PEX5L: variants seen among roughly 807,000 people sequenced by gnomAD.
PEX5L encodes PEX5-related protein.
A neutral mutation model predicts 84.0 loss-of-function variants in PEX5L; 30 were observed. That is an observed-to-expected ratio of 0.36 (90% CI 0.27 to 0.48). The LOEUF is 0.48. Ranked by LOEUF, PEX5L falls within the 20% of genes least tolerant of loss-of-function variation. The pLI is 0.99. For missense variants in PEX5L, 533 were observed against 754.6 expected, an observed-to-expected ratio of 0.71 and a Z score of 3.44; for synonymous variants, 270 against 283.1, an observed-to-expected ratio of 0.95 and a Z score of 0.46.
chr3:179,800,503 A>C lies in PEX5L; in HGVS notation c.*1325T>G, dbSNP rs1718551012. On this transcript the variant is annotated 3_prime_UTR_variant, in exon 15 of 15. Transcript: ENST00000467460. ...CTTTAAAAAATGTATCTTTCAAAATAATCACCAAGCCCCAAACACATACAA... is the reference window on the plus strand; with the variant it reads ...CTTTAAAAAATGTATCTTTCAAAATCATCACCAAGCCCCAAACACATACAA... 1 of 152,242 alleles carries C rather than the reference A, an allele frequency of 6.6e-6. No homozygotes were observed. The highest frequency in any genetic ancestry group is 1.5e-5 in the Non-Finnish European group (1 of 68,042). The allele number at this position is 152,242 out of a possible 1,614,324, so 9.4% of individuals were successfully genotyped here.
chr3:179,880,925 A>C (rs1364512786), intron 4 of PEX5L: 1 of 152,232 alleles, frequency 6.6e-6, no homozygotes, highest in Non-Finnish European at 1.5e-5. Flanking sequence ...ATTGTGAGAG[A>C]TAGAAAATTC....
At chr3:179,957,275 T>C (rs1487129594) in intron 2 of PEX5L, among the ~76,000 whole-genome samples, 3 of 152,178 alleles carry the variant, frequency 2.0e-5, no homozygotes, top group South Asian at 2.1e-4. Context: ...AGGTTTCATA[T>C]ATACATCATA....
chr3:179,941,490 T>C (rs183855250), intron 2 of PEX5L, among the ~76,000 whole-genome samples: 1 of 152,350 alleles, frequency 6.6e-6, no homozygotes, highest in African/African-American at 2.4e-5. Context: ...AAAATAACTT[T>C]ATCAGGTTGG....
chr3:179,904,197 T>C (rs1560625636), intron 2 of PEX5L, among the ~76,000 whole-genome samples: 1 of 152,204 alleles, frequency 6.6e-6, no homozygotes, highest in Non-Finnish European at 1.5e-5. Context: ...TCCCTTACTG[T>C]CTCTTTTTCC....
At chr3:179,817,736 G>C (rs1453710213) in intron 9 of PEX5L, among the ~76,000 whole-genome samples, 1 of 152,192 alleles carries the variant, frequency 6.6e-6, no homozygotes, top group Admixed American at 6.5e-5. Flanking sequence ...TAAGGTTTAA[G>C]AGTAGATCAA....
intron 8 of PEX5L, among the ~76,000 whole-genome samples, chr3:179,828,278 A>G: frequency 6.6e-6 from 1 of 152,168 alleles, no homozygotes; most frequent in East Asian, 1.9e-4. Context: ...ATCTGCTTTT[A>G]CTGCTTTAAC....
intron 2 of PEX5L, among the ~76,000 whole-genome samples, chr3:179,914,545 T>C (rs891993455): frequency 2.0e-5 from 3 of 152,228 alleles, no homozygotes; most frequent in African/African-American, 7.2e-5. Flanking sequence ...GCCACAGTCA[T>C]GTGGGCACAA....
chr3:179,980,195 TTGTGCTTCGGC>T, intron 1 of PEX5L, among the ~76,000 whole-genome samples: 1 of 152,206 alleles, frequency 6.6e-6, no homozygotes. Context: ...AACCCAAAGT[TTGTGCTTCGGC>T]CATAAAATTC....
chr3:179,961,411 T>C (rs1047705130), intron 2 of PEX5L, among the ~76,000 whole-genome samples: 2 of 151,640 alleles, frequency 1.3e-5, no homozygotes, highest in African/African-American at 2.4e-5. Context: ...TCAAACCTTA[T>C]ATATGCAGTG....
At position 179,825,901 on chromosome 3, in the gene PEX5L, C is replaced by G. The variant is rs150185456; in HGVS notation, c.823-5925G>C. On this transcript the variant is annotated intron_variant, in intron 8 of 14. Coordinates refer to ENST00000467460, the MANE Select transcript of PEX5L (RefSeq NM_016559.3). ...GCTTGGAAATGAAAAATAATATTTC[C>G]CAGGATACAGACGGAATGCAATCTT... 8.4e-3 allele frequency among the ~76,000 whole-genome samples: 1,273 copies of G among 152,238 alleles called. 15 individuals carry two copies. The highest frequency in any genetic ancestry group is 0.023 in the South Asian group (111 of 4,824).
chr3:179,899,451 A>G (rs1760533624), intron 2 of PEX5L, among the ~76,000 whole-genome samples: 1 of 152,118 alleles, frequency 6.6e-6, no homozygotes, highest in African/African-American at 2.4e-5. Flanking sequence ...TAATATTGGA[A>G]AAGGGAATTA....
At chr3:179,828,765 T>C (rs1577336815) in intron 8 of PEX5L, among the ~76,000 whole-genome samples, 2 of 152,100 alleles carry the variant, frequency 1.3e-5, no homozygotes, top group East Asian at 3.9e-4. Context: ...ACAGAGACCT[T>C]TGGTGGGCTA....
chr3:179,949,061 G>A (rs754092868), intron 2 of PEX5L, among the ~76,000 whole-genome samples: 6 of 152,108 alleles, frequency 3.9e-5, no homozygotes, highest in Non-Finnish European at 5.9e-5. Context: ...ACATGTGGCC[G>A]TATTTGTAGC....
At chr3:179,971,903 T>C (rs1373459683) in intron 1 of PEX5L, among the ~76,000 whole-genome samples, 2 of 152,184 alleles carry the variant, frequency 1.3e-5, no homozygotes, top group Non-Finnish European at 2.9e-5. Flanking sequence ...TTTAATCTTT[T>C]TCTCAATATT....
chr3:179,919,132 CA>C (rs1260525237), intron 2 of PEX5L, among the ~76,000 whole-genome samples: 1 of 152,090 alleles, frequency 6.6e-6, no homozygotes. Flanking sequence ...AGTGGAAAAG[CA>C]AGGTCAGGGA....
intron 1 of PEX5L, among the ~76,000 whole-genome samples, chr3:179,989,164 C>T (rs1787150862): frequency 1.3e-5 from 2 of 152,166 alleles, no homozygotes; most frequent in African/African-American, 4.8e-5. Flanking sequence ...CCACTATAGG[C>T]AGACAGGGAC....
At chr3:179,892,655 G>A (rs1757964134) in intron 3 of PEX5L, among the ~76,000 whole-genome samples, 1 of 152,032 alleles carries the variant, frequency 6.6e-6, no homozygotes, top group Admixed American at 6.6e-5. Flanking sequence ...TTCTTTGCCG[G>A]TTTTAAACCA....
At chr3:180,024,351 T>TATATATATATATATATATATAC in intron 1 of PEX5L, among the ~76,000 whole-genome samples, 1 of 82,160 alleles carries the variant, frequency 1.2e-5, no homozygotes, top group African/African-American at 1.1e-4. Flanking sequence ...CTACTAAATA[T>TATATATATATATATATATATAC]ATATATATAT....
chr3:179,874,195 T>C (rs1006143034), intron 7 of PEX5L, 132 bp downstream of exon 7: 1 of 503,328 alleles, frequency 2.0e-6, no homozygotes, highest in Admixed American at 3.6e-5. Context: ...AGATAGCTAC[T>C]GAATGAAACA....
Sources: gnomAD v4.1 joint callset for allele counts (sites outside exome capture counted in the v4.1 genomes callset) on GRCh38, gnomAD v4.1.1 for gene constraint, MANE v1.5 for transcripts, NCBI Gene and HGNC (gene_info 2026-07-23, HGNC 2026-07-21) for gene names.